Variants in PTGFR observed in about 807,000 individuals in gnomAD.
The protein encoded by PTGFR is prostaglandin F2-alpha receptor.
A neutral mutation model predicts 26.2 loss-of-function variants in PTGFR; 15 were observed. That is an observed-to-expected ratio of 0.57 (90% confidence interval 0.38 to 0.88). The LOEUF (loss-of-function observed/expected upper bound fraction) is 0.88. Ranked by LOEUF, PTGFR falls within the 40% of genes least tolerant of loss-of-function variation. The pLI is 0.00. For synonymous variants in PTGFR, 165 were observed against 151.1 expected (o/e 1.09, Z -0.68); for missense variants, 369 against 427.2 (o/e 0.86, Z 1.20).
At position 78,536,720 on chromosome 1, in the gene PTGFR, A is replaced by G. The variant is rs749412900; in HGVS notation, c.*33A>G. 1 of 1,572,874 alleles carries G rather than the reference A, an allele frequency of 6.4e-7. No homozygotes were observed. The highest frequency in any genetic ancestry group is 1.2e-5 in the South Asian group (1 of 84,314). ...GGACAGTAAATCTGTGTGGGGCTAG[A>G]ACAAAATTAAGACATGTTTGGCAAT... is the stretch of plus-strand genomic sequence containing the variant. On this transcript the variant is annotated 3_prime_UTR_variant, in exon 3 of 3. Coordinates refer to ENST00000370757, the MANE Select transcript of PTGFR (RefSeq NM_000959.4).
intron 2 of PTGFR, among the ~76,000 whole-genome samples, chr1:78,532,021 T>C (rs560778669): frequency 1.3e-5 from 2 of 152,064 alleles, no homozygotes; most frequent in Admixed American, 1.3e-4. Flanking sequence ...AAAGGTTTTC[T>C]GCAGAAGATG....
At chr1:78,530,983 T>C (rs548822997) in intron 2 of PTGFR, among the ~76,000 whole-genome samples, 2 of 152,134 alleles carry the variant, frequency 1.3e-5, no homozygotes, top group Non-Finnish European at 2.9e-5. Context: ...ATATACAAAG[T>C]GATAACATGA....
At chr1:78,493,704 T>C (rs1472309301) in intron 2 of PTGFR, among the ~76,000 whole-genome samples, 163 bp downstream of exon 2, 1 of 152,244 alleles carries the variant, frequency 6.6e-6, no homozygotes, top group Non-Finnish European at 1.5e-5. Context: ...ACACATATGG[T>C]TACTTTCCCA....
At chr1:78,529,455 A>T (rs544081381) in intron 2 of PTGFR, among the ~76,000 whole-genome samples, 6 of 152,182 alleles carry the variant, frequency 3.9e-5, no homozygotes, top group Non-Finnish European at 8.8e-5. Context: ...TCTTAGTGTA[A>T]CTATGTGTTT....
At position 78,491,024 on chromosome 1, in the gene PTGFR, G is replaced by GA. The variant is rs2100340671; in HGVS notation, c.-284dup. The stretch of plus-strand genomic sequence containing the variant: ...CTGCCAGCGCAGCTAGGTGCAGAGG[G>GA]ATCCCAGGAGCCGCGCGCGCCCCGC... On this transcript the variant is annotated 5_prime_UTR_variant, in exon 1 of 3. Coordinates refer to ENST00000370757, the MANE Select transcript of PTGFR (RefSeq NM_000959.4). 1 of 152,334 alleles carries GA rather than the reference G, an allele frequency of 6.6e-6. No individual in the cohort carries two copies. The highest frequency in any genetic ancestry group is 6.5e-5 in the Admixed American group (1 of 15,304). 9.4% of individuals were successfully genotyped at this position (152,334 alleles called of 1,614,324 possible). A position where few individuals can be genotyped will look rare whatever the true frequency, so the allele number is the denominator to read the frequency against.
intron 2 of PTGFR, among the ~76,000 whole-genome samples, chr1:78,495,845 T>A (rs1649534974): frequency 6.6e-6 from 1 of 152,248 alleles, no homozygotes; most frequent in African/African-American, 2.4e-5. Flanking sequence ...ATTTAATTCC[T>A]ATTTTAAACA....
At chr1:78,532,178 C>G in intron 2 of PTGFR, 1 of 399,558 alleles carries the variant, frequency 2.5e-6, no homozygotes. Context: ...TGGAAAACCA[C>G]TTAGGAGTCT....
chr1:78,532,510 G>A (rs144497138), intron 2 of PTGFR, among the ~76,000 whole-genome samples: 12 of 105,582 alleles, frequency 1.1e-4, no homozygotes, highest in African/African-American at 6.4e-4. Flanking sequence ...ATTTGTGTGT[G>A]TATATGTGTA....
intron 2 of PTGFR, among the ~76,000 whole-genome samples, chr1:78,501,234 T>C (rs1304427225): frequency 6.6e-6 from 1 of 152,188 alleles, no homozygotes; most frequent in African/African-American, 2.4e-5. Context: ...GTCCCAAAGC[T>C]CTTTGGGTTG....
At chr1:78,517,286 G>C (rs1650111955) in intron 2 of PTGFR, among the ~76,000 whole-genome samples, 1 of 152,100 alleles carries the variant, frequency 6.6e-6, no homozygotes, top group African/African-American at 2.4e-5. Flanking sequence ...GGACAGTGGT[G>C]CTGGCTGTGT....
intron 2 of PTGFR, among the ~76,000 whole-genome samples, chr1:78,520,069 G>A (rs1192132431): frequency 6.6e-6 from 1 of 151,942 alleles, no homozygotes; most frequent in Non-Finnish European, 1.5e-5. Flanking sequence ...TAACATGAAT[G>A]TGTTTAATAA....
rs541572641 is a variant in PTGFR, at chr1:78,495,335, GT to G, written c.798+1796del. Among the ~76,000 whole-genome samples, 157 of 152,260 alleles carry G rather than the reference GT, an allele frequency of 1.0e-3. 1 individual carries two copies. The highest frequency in any genetic ancestry group is 3.6e-3 in the African/African-American group (150 of 41,544). On this transcript the variant is annotated intron_variant, in intron 2 of 2. Transcript: ENST00000370757. ...CACTTCATTGTTTATTTTTGAGGAG[GT>G]TAATGTATGTAACTCGACTAAAGAA...
chr1:78,491,292 G>C (rs1649388851), intron 1 of PTGFR, 56 bp downstream of exon 1: 1 of 152,402 alleles, frequency 6.6e-6, no homozygotes, highest in Admixed American at 6.5e-5. Flanking sequence ...TCTAGACCCA[G>C]ATTTAATCAA....
chr1:78,513,991 G>A (rs1650032831), intron 2 of PTGFR, among the ~76,000 whole-genome samples: 1 of 152,258 alleles, frequency 6.6e-6, no homozygotes, highest in East Asian at 1.9e-4. Context: ...AGATTTTAGA[G>A]GATGTAAGGG....
intron 2 of PTGFR, among the ~76,000 whole-genome samples, chr1:78,493,898 T>C (rs1322444193): frequency 6.6e-6 from 1 of 152,246 alleles, no homozygotes; most frequent in Non-Finnish European, 1.5e-5. Context: ...TAAGTCTTGA[T>C]AGAAAGTCAC....
chr1:78,514,774 T>A (rs1557653646), intron 2 of PTGFR, among the ~76,000 whole-genome samples: 1 of 152,162 alleles, frequency 6.6e-6, no homozygotes, highest in Non-Finnish European at 1.5e-5. Context: ...GAATCCTTTG[T>A]GAATGATTTA....
chr1:78,531,987 T>A (rs562780346), intron 2 of PTGFR, among the ~76,000 whole-genome samples: 70 of 152,080 alleles, frequency 4.6e-4, no homozygotes, highest in African/African-American at 1.6e-3. Context: ...GAATGAGACA[T>A]TACTCAGCTA....
chr1:78,523,784 T>C (rs774560076), intron 2 of PTGFR, among the ~76,000 whole-genome samples: 2 of 152,254 alleles, frequency 1.3e-5, no homozygotes, highest in East Asian at 1.9e-4. Flanking sequence ...ATGAGTGATA[T>C]TTTAAATGTT....
At chr1:78,492,633 T>A in intron 1 of PTGFR, 39 bp from the exon 2 acceptor site, 2 of 1,044,820 alleles carry the variant, frequency 1.9e-6, no homozygotes, top group Non-Finnish European at 2.7e-6. Context: ...AGATGAGCAG[T>A]AATGCGGTGT....
Sources: gnomAD v4.1 joint callset for allele counts (sites outside exome capture counted in the v4.1 genomes callset) on GRCh38, gnomAD v4.1.1 for gene constraint, MANE v1.5 for transcripts, NCBI Gene and HGNC (gene_info 2026-07-23, HGNC 2026-07-21) for gene names.